The following PARM1 variants were observed in gnomAD, a reference collection of about 807,000 sequenced individuals.
The protein encoded by PARM1 is WSC4, cell wall integrity and stress response component 4 homolog.
A neutral mutation model predicts 24.6 loss-of-function variants in PARM1; 14 were observed. The ratio of observed to expected loss-of-function variants is 0.57; its 90% CI spans 0.38 to 0.89. The LOEUF (loss-of-function observed/expected upper bound fraction) is 0.89. PARM1 is among the 40% of genes least tolerant of loss of function. The pLI is 0.00. For missense variants in PARM1, 362 were observed against 380.4 expected (o/e 0.95, Z 0.40); for synonymous variants, 179 against 156.6 (o/e 1.14, Z -1.07).
intron 2 of PARM1, among the ~76,000 whole-genome samples, chr4:75,018,621 A>G (rs1490049053): frequency 6.6e-6 from 1 of 152,216 alleles, no homozygotes; most frequent in African/African-American, 2.4e-5. Context: ...ATTATTTATT[A>G]CAATTATCCT....
chr4:75,005,500 G>C (rs563510210), intron 1 of PARM1, among the ~76,000 whole-genome samples: 1 of 152,224 alleles, frequency 6.6e-6, no homozygotes, highest in African/African-American at 2.4e-5. Flanking sequence ...CACCCAGTCA[G>C]GTCAGGAGGC....
At chr4:75,030,931 A>G (rs1440093816) in intron 2 of PARM1, among the ~76,000 whole-genome samples, 1 of 152,178 alleles carries the variant, frequency 6.6e-6, no homozygotes, top group African/African-American at 2.4e-5. Flanking sequence ...GTTTAGTTTA[A>G]ACAGAACTCA....
chr4:74,995,537 G>A (rs1056898678), intron 1 of PARM1, among the ~76,000 whole-genome samples: 5 of 152,132 alleles, frequency 3.3e-5, no homozygotes, highest in Non-Finnish European at 5.9e-5. Context: ...GAGAGAGCTA[G>A]TGAGGAGCCC....
chr4:75,034,353 G>C (rs558230144), intron 3 of PARM1, among the ~76,000 whole-genome samples: 1 of 152,282 alleles, frequency 6.6e-6, no homozygotes, highest in Admixed American at 6.5e-5. Context: ...CCTAAATTCT[G>C]ATGTTCTGAA....
intron 1 of PARM1, among the ~76,000 whole-genome samples, chr4:74,946,436 C>T (rs1484762526): frequency 2.6e-5 from 4 of 152,206 alleles, no homozygotes; most frequent in Non-Finnish European, 5.9e-5. Context: ...TCTTGCCAGT[C>T]TTGGGACTTA....
chr4:75,035,598 C>T (rs1179760750), intron 3 of PARM1, among the ~76,000 whole-genome samples: 1 of 152,192 alleles, frequency 6.6e-6, no homozygotes, highest in African/African-American at 2.4e-5. Context: ...CCACTCGCCA[C>T]CCAGCCCCAC....
intron 2 of PARM1, among the ~76,000 whole-genome samples, chr4:75,030,997 A>G (rs907100804): frequency 2.0e-5 from 3 of 152,214 alleles, no homozygotes; most frequent in Admixed American, 6.5e-5. Flanking sequence ...CAGTCACCCT[A>G]TAAAGTTGCG....
At position 74,933,320 on chromosome 4, in the gene PARM1, A is replaced by G. The variant is rs533716235; in HGVS notation, c.-8A>G. The G allele has an allele frequency of 2.2e-5, 36 of 1,608,896 alleles. No individual in the cohort carries two copies. In the East Asian group the frequency reaches 6.1e-4, roughly 27 times the overall value. On this transcript the variant is annotated 5_prime_UTR_variant, in exon 1 of 4. Coordinates refer to ENST00000307428, the MANE Select transcript of PARM1 (RefSeq NM_015393.4). ...CGCCCCGGGCTGGGCACCAAATACC[A>G]GGCTACCATGGTCTACAAGACTCTC...
intron 1 of PARM1, among the ~76,000 whole-genome samples, chr4:74,999,891 G>T (rs1722644486): frequency 6.6e-6 from 1 of 152,070 alleles, no homozygotes; most frequent in African/African-American, 2.4e-5. Flanking sequence ...TTTGAAAACT[G>T]CCCCAGAAGT....
chr4:75,035,832 C>T (rs569481240), intron 3 of PARM1, among the ~76,000 whole-genome samples: 12 of 152,228 alleles, frequency 7.9e-5, no homozygotes, highest in African/African-American at 2.9e-4. Flanking sequence ...TAAAAGCATC[C>T]AGAAGTTTCC....
chr4:74,996,567 A>G lies in PARM1; in HGVS notation c.44-15858A>G, dbSNP rs192061932. On this transcript the variant is annotated intron_variant, in intron 1 of 3. Transcript: ENST00000307428. ...ATAAAATGTCATCCAAGAAGAAATGAATGCCCTGTGTGCAGCTGGAATGAT... is the reference window on the plus strand; with the variant it reads ...ATAAAATGTCATCCAAGAAGAAATGGATGCCCTGTGTGCAGCTGGAATGAT... 1.5e-3 allele frequency among the ~76,000 whole-genome samples: 232 copies of G among 152,284 alleles called. 1 individual carries two copies. The highest frequency in any genetic ancestry group is 2.6e-3 in the Non-Finnish European group (177 of 68,022).
At chr4:74,961,249 A>G (rs1721767896) in intron 1 of PARM1, among the ~76,000 whole-genome samples, 2 of 152,158 alleles carry the variant, frequency 1.3e-5, no homozygotes, top group Admixed American at 6.5e-5. Context: ...GAAATTGTCA[A>G]TTCTGGAGAA....
chr4:75,007,124 A>G (rs1459412562), intron 1 of PARM1, among the ~76,000 whole-genome samples: 2 of 152,234 alleles, frequency 1.3e-5, no homozygotes, highest in East Asian at 3.8e-4. Flanking sequence ...ACAGGAAAAA[A>G]TGCTCATCAT....
At chr4:75,020,791 A>G (rs1723075768) in intron 2 of PARM1, among the ~76,000 whole-genome samples, 1 of 152,014 alleles carries the variant, frequency 6.6e-6, no homozygotes, top group Non-Finnish European at 1.5e-5. Flanking sequence ...ACTCACTTAG[A>G]CGCTACCTGG....
chr4:75,033,992 G>C, intron 3 of PARM1, 31 bp downstream of exon 3: 1 of 1,546,262 alleles, frequency 6.5e-7, no homozygotes, highest in Non-Finnish European at 8.8e-7. Flanking sequence ...AAAAAAAAGG[G>C]ATTCTGTTTT....
intron 1 of PARM1, among the ~76,000 whole-genome samples, chr4:74,950,334 G>T (rs991358653): frequency 6.6e-6 from 1 of 152,200 alleles, no homozygotes; most frequent in African/African-American, 2.4e-5. Flanking sequence ...ATTCCTCCTT[G>T]CTTCTTCTAG....
chr4:74,949,419 C>T (rs374529768), intron 1 of PARM1, among the ~76,000 whole-genome samples: 2 of 152,066 alleles, frequency 1.3e-5, no homozygotes, highest in South Asian at 2.1e-4. Context: ...CCCAGTTTCA[C>T]GCCATCCTCC....
intron 1 of PARM1, 116 bp downstream of exon 1, chr4:74,933,486 AGTGCGCAGGTGT>A: frequency 1.2e-6 from 1 of 850,614 alleles, no homozygotes; most frequent in Non-Finnish European, 2.0e-6. Flanking sequence ...CCTCCGGGTG[AGTGCGCAGGTGT>A]GTGCGCACTT....
At chr4:74,975,623 A>G (rs754022098) in intron 1 of PARM1, among the ~76,000 whole-genome samples, 7 of 152,240 alleles carry the variant, frequency 4.6e-5, no homozygotes, top group Non-Finnish European at 1.0e-4. Context: ...CATTTGTTAT[A>G]TTAATTATAT....
Sources: allele counts gnomAD v4.1 joint callset (sites outside exome capture counted in the v4.1 genomes callset), GRCh38; gene constraint gnomAD v4.1.1; transcripts MANE v1.5; gene names NCBI Gene and HGNC (gene_info 2026-07-23, HGNC 2026-07-21).